Variants in FGF14 observed in about 807,000 individuals in gnomAD.
The protein encoded by FGF14 is fibroblast growth factor homologous factor 4.
In FGF14, 5 loss-of-function variants were observed where a neutral mutation model predicts 25.5. The ratio of observed to expected loss-of-function variants is 0.20; its 90% CI spans 0.10 to 0.41. The LOEUF is 0.41. FGF14 is among the 10% of genes least tolerant of loss of function. FGF14 has a pLI of 1.00. For missense variants in FGF14, 222 were observed against 320.1 expected (o/e 0.69, Z 2.34); for synonymous variants, 138 against 118.3 (o/e 1.17, Z -1.08).
rs10593906 is a variant in FGF14, at chr13:102,292,278, C to CAAAAA, written c.208+109188_208+109192dup. The CAAAAA allele has an allele frequency of 2.4e-4, 16 of 66,790 alleles. 2 individuals carry two copies. Among genetic ancestry groups the CAAAAA allele is most frequent in the East Asian group, 9.7e-4 (2 of 2,066 alleles). 4.1% of individuals were successfully genotyped at this position (66,790 alleles called of 1,614,324 possible). ...ATATTTCCTACCTTATACTCTATAGCAAAAAAAAAAAAAAAAAAAAAAAAA... is the reference window on the plus strand; with the variant it reads ...ATATTTCCTACCTTATACTCTATAGCAAAAAAAAAAAAAAAAAAAAAAAAAAAAAA... On this transcript the variant is annotated intron_variant, in intron 1 of 4. Transcript: ENST00000376131.
intron 1 of FGF14, among the ~76,000 whole-genome samples, chr13:102,210,583 G>A (rs1438250065): frequency 1.3e-5 from 2 of 152,114 alleles, no homozygotes; most frequent in Non-Finnish European, 2.9e-5. Context: ...AGCTGACAGA[G>A]TACCTGTTTT....
intron 1 of FGF14, among the ~76,000 whole-genome samples, chr13:102,200,107 T>G (rs2049547022): frequency 6.6e-6 from 1 of 152,202 alleles, no homozygotes; most frequent in Non-Finnish European, 1.5e-5. Flanking sequence ...CGCATAGAGT[T>G]GCTAATAGGG....
chr13:101,978,267 A>G (rs1409713400), intron 1 of FGF14, among the ~76,000 whole-genome samples: 1 of 152,236 alleles, frequency 6.6e-6, no homozygotes, highest in Non-Finnish European at 1.5e-5. Flanking sequence ...GAAGTTTTCC[A>G]CTTATCTATA....
chr13:101,782,887 C>T (rs2039592069), intron 3 of FGF14, among the ~76,000 whole-genome samples: 2 of 152,018 alleles, frequency 1.3e-5, no homozygotes, highest in African/African-American at 4.8e-5. Flanking sequence ...AATTTGTAAT[C>T]CCTGTGGTAA....
intron 1 of FGF14, among the ~76,000 whole-genome samples, chr13:102,356,928 C>CATATATATATATAT (rs3066054): frequency 1.7e-3 from 239 of 141,958 alleles, no homozygotes; most frequent in African/African-American, 6.1e-3. Context: ...CTATAAAATG[C>CATATATATATATAT]ATATATATAT....
chr13:102,257,490 T>C (rs531722405), intron 1 of FGF14, among the ~76,000 whole-genome samples: 10 of 151,734 alleles, frequency 6.6e-5, no homozygotes, highest in Admixed American at 1.3e-4. Flanking sequence ...TAGTTGGGAC[T>C]ATAGGCATAC....
At chr13:101,771,504 T>A (rs1438063775) in intron 3 of FGF14, among the ~76,000 whole-genome samples, 1 of 152,088 alleles carries the variant, frequency 6.6e-6, no homozygotes, top group Admixed American at 6.6e-5. Context: ...TGCACACAAC[T>A]AAAATGAACA....
chr13:102,144,441 C>A (rs2046768921), intron 1 of FGF14, among the ~76,000 whole-genome samples: 1 of 151,710 alleles, frequency 6.6e-6, no homozygotes, highest in African/African-American at 2.4e-5. Context: ...AAATAGCTAT[C>A]ATATATACAT....
chr13:101,854,518 T>A (rs533599610), intron 3 of FGF14, among the ~76,000 whole-genome samples: 3 of 152,220 alleles, frequency 2.0e-5, no homozygotes, highest in South Asian at 2.1e-4. Context: ...TGACCTAGTA[T>A]AATTAATTGC....
rs140762596 is a variant in FGF14 at position 101,716,383 on chromosome 13, T to TAAAG, written c.*6444_*6447dup. On this transcript the variant is annotated 3_prime_UTR_variant, in exon 5 of 5. Transcript: ENST00000376143. ...TTAAACTCACCAAAGAAGATTCTCT[T>TAAAG]AAAGAAATTATGAAAAATGTACAAT... is the stretch of plus-strand genomic sequence containing the variant. The TAAAG allele has an allele frequency of 6.6e-6, 1 of 152,238 alleles. No homozygotes were observed. The highest frequency in any genetic ancestry group is 1.9e-4 in the East Asian group (1 of 5,178). The allele number at this position is 152,238 out of a possible 1,614,324, so 9.4% of individuals were successfully genotyped here. A position where few individuals can be genotyped will look rare whatever the true frequency, so the allele number is the denominator to read the frequency against.
intron 1 of FGF14, among the ~76,000 whole-genome samples, chr13:102,318,063 A>T (rs868650371): frequency 6.6e-6 from 1 of 152,158 alleles, no homozygotes; most frequent in African/African-American, 2.4e-5. Context: ...GTCTGAAAAA[A>T]CTGATAATGG....
At chr13:101,831,879 G>T (rs556784789) in intron 3 of FGF14, among the ~76,000 whole-genome samples, 19 of 152,212 alleles carry the variant, frequency 1.2e-4, no homozygotes, top group African/African-American at 4.1e-4. Flanking sequence ...TGATGGAGAA[G>T]GATTGGTAGA....
chr13:101,762,176 GA>G (rs2038073296), intron 3 of FGF14, among the ~76,000 whole-genome samples: 1 of 152,210 alleles, frequency 6.6e-6, no homozygotes, highest in Non-Finnish European at 1.5e-5. Context: ...ACATGCTTTG[GA>G]AAAGCTTGGA....
At chr13:101,945,751 G>A (rs1006843088) in intron 1 of FGF14, among the ~76,000 whole-genome samples, 1 of 152,174 alleles carries the variant, frequency 6.6e-6, no homozygotes, top group African/African-American at 2.4e-5. Flanking sequence ...ACCTGCCAAA[G>A]CCCAGGCAGC....
At chr13:102,000,466 A>G (rs1296181390) in intron 1 of FGF14, among the ~76,000 whole-genome samples, 1 of 152,234 alleles carries the variant, frequency 6.6e-6, no homozygotes, top group East Asian at 1.9e-4. Flanking sequence ...ATACACCAAA[A>G]TATTAATGAC....
intron 1 of FGF14, among the ~76,000 whole-genome samples, chr13:102,222,532 T>C (rs77409225): frequency 0.012 from 1,818 of 152,298 alleles, 36 homozygotes; most frequent in African/African-American, 0.041. Context: ...GTCCTAGTTA[T>C]TACAGAGAAG....
intron 1 of FGF14, among the ~76,000 whole-genome samples, chr13:102,180,686 A>AAT (rs1266865076): frequency 2.6e-5 from 4 of 152,168 alleles, no homozygotes; most frequent in Non-Finnish European, 5.9e-5. Flanking sequence ...GAAGCCTAGT[A>AAT]ATATTATTCT....
At chr13:102,189,423 C>T (rs1344336500) in intron 1 of FGF14, among the ~76,000 whole-genome samples, 1 of 151,912 alleles carries the variant, frequency 6.6e-6, no homozygotes, top group Non-Finnish European at 1.5e-5. Context: ...TCCACTTAAC[C>T]AATTAAGAAT....
chr13:102,234,181 C>T (rs144007716), intron 1 of FGF14, among the ~76,000 whole-genome samples: 7 of 152,032 alleles, frequency 4.6e-5, no homozygotes, highest in Non-Finnish European at 7.4e-5. Flanking sequence ...CAGAAACATA[C>T]ACTTAAATGT....
Sources: allele counts gnomAD v4.1 joint callset (sites outside exome capture counted in the v4.1 genomes callset), GRCh38; gene constraint gnomAD v4.1.1; transcripts MANE v1.5; gene names NCBI Gene and HGNC (gene_info 2026-07-23, HGNC 2026-07-21).